Variants in PRTG observed in about 807,000 individuals in gnomAD.
The protein encoded by PRTG is immunoglobulin superfamily, DCC subclass, member 5.
In PRTG, 67 loss-of-function variants were observed where a neutral mutation model predicts 122.5. The ratio of observed to expected loss-of-function variants is 0.55; its 90% confidence interval spans 0.45 to 0.67. The LOEUF is 0.67. PRTG is among the 30% of genes least tolerant of loss of function. The pLI, the probability that PRTG is intolerant of heterozygous loss-of-function variation, is 0.00. For missense variants in PRTG, 1,435 were observed against 1,415.4 expected (o/e 1.01, Z -0.22); for synonymous variants, 554 against 501.1 (o/e 1.11, Z -1.41).
In PRTG at chr15:55,673,595, T is replaced by A; in HGVS notation, c.1628A>T (p.Lys543Ile). ...CAGCACCACTTGGCCCCGCCGATAT[T>A]TGGCTGGGATTGGCAGCCAGGAGAT... ...ILISWLPIPA[K>I]YRRGQVVLYR... Residue 543 changes from lysine to isoleucine, a missense_variant, in exon 10 of 20, where the codon AAA becomes ATA. Coordinates refer to ENST00000389286, the MANE Select transcript of PRTG (RefSeq NM_173814.6). 6.2e-7 allele frequency: 1 copy of A among 1,614,194 alleles called. No homozygotes were observed. The highest frequency in any genetic ancestry group is 1.1e-5 in the South Asian group (1 of 91,082).
At chr15:55,715,048 C>G (rs1429889267) in intron 2 of PRTG, among the ~76,000 whole-genome samples, 1 of 152,120 alleles carries the variant, frequency 6.6e-6, no homozygotes, top group African/African-American at 2.4e-5. Context: ...TTTTCATACT[C>G]TCTAAACACC....
chr15:55,656,246 G>T, intron 11 of PRTG: 1 of 433,266 alleles, frequency 2.3e-6, no homozygotes, highest in Admixed American at 2.6e-5. Context: ...ATCTAGAACT[G>T]TCTCCTGCTC....
At chr15:55,644,791 GAATA>G (rs1289252503) in intron 11 of PRTG, among the ~76,000 whole-genome samples, 1 of 151,958 alleles carries the variant, frequency 6.6e-6, no homozygotes, top group Non-Finnish European at 1.5e-5. Flanking sequence ...CACACTCCCA[GAATA>G]AATTCTGGAA....
intron 16 of PRTG, among the ~76,000 whole-genome samples, chr15:55,628,383 A>G (rs2059207327): frequency 4.3e-5 from 1 of 23,058 alleles, no homozygotes; most frequent in African/African-American, 7.6e-5. Context: ...GGAGACAGAG[A>G]GGGAAAAAAA....
chr15:55,665,568 CAA>C (rs1203143191), intron 11 of PRTG, among the ~76,000 whole-genome samples: 3 of 134,080 alleles, frequency 2.2e-5, no homozygotes, highest in Non-Finnish European at 3.1e-5. Context: ...TTTTTTGAGA[CAA>C]AGTCTTGCTC....
intron 11 of PRTG, among the ~76,000 whole-genome samples, chr15:55,645,762 G>A (rs993200141): frequency 6.6e-6 from 1 of 152,104 alleles, no homozygotes; most frequent in African/African-American, 2.4e-5. Flanking sequence ...CCCAAGGCCT[G>A]TTTCAGCCCT....
At chr15:55,734,859 G>A (rs1014653903) in intron 2 of PRTG, among the ~76,000 whole-genome samples, 2 of 152,166 alleles carry the variant, frequency 1.3e-5, no homozygotes, top group Non-Finnish European at 2.9e-5. Context: ...CCTTACAGCA[G>A]TTCACTTGGC....
At chr15:55,708,177 A>AC (rs1433244161) in intron 2 of PRTG, among the ~76,000 whole-genome samples, 2 of 147,142 alleles carry the variant, frequency 1.4e-5, no homozygotes, top group Non-Finnish European at 1.5e-5. Flanking sequence ...AAAAAAAAAA[A>AC]CAGAGGCAGA....
At position 55,639,918 on chromosome 15, in the gene PRTG, A is replaced by G. The variant is rs925383964; in HGVS notation, c.2138-90T>C. 3.9e-5 allele frequency: 59 copies of G among 1,515,182 alleles called. No individual in the cohort carries two copies. The South Asian group carries it at 4.0e-4, about 10-fold the overall frequency. The allele number at this position is 1,515,182 out of a possible 1,614,324, so 93.9% of individuals were successfully genotyped here. A position where few individuals can be genotyped will look rare whatever the true frequency, so the allele number is the denominator to read the frequency against. ...TGGTAAAATAATAATATCCCACCCTATAAGTTGATTTTAGGTCTTTCTTCC... is the reference window on the plus strand; with the variant it reads ...TGGTAAAATAATAATATCCCACCCTGTAAGTTGATTTTAGGTCTTTCTTCC... On this transcript the variant is annotated intron_variant, in intron 12 of 19. Coordinates refer to ENST00000389286, the MANE Select transcript of PRTG (RefSeq NM_173814.6).
chr15:55,684,118 G>A (rs970012998), intron 2 of PRTG, among the ~76,000 whole-genome samples, 187 bp from the exon 3 acceptor site: 7 of 152,172 alleles, frequency 4.6e-5, no homozygotes, highest in African/African-American at 9.7e-5. Context: ...CCCAATTTAC[G>A]AAGTCTGGTC....
Position 55,675,542 on chromosome 15 carries a change from A to T in PRTG, c.1523T>A (p.Val508Glu). Residue 508 changes from valine (V) to glutamate (E), a missense_variant, in exon 9 of 20, where the codon GTG (valine) becomes GAG (glutamate). By Grantham distance (121) the Val-to-Glu change is moderately radical. Transcript: ENST00000389286. ...PMGASQMSDH[V>E]TQNTLEDVPL... ...ACCATCCTCTAGAGTATTCTGTGTC[A>T]CATGGTCAGACATCTGGCTGGCTCC... is the stretch of plus-strand genomic sequence containing the variant. The T allele has an allele frequency of 6.2e-7, 1 of 1,611,776 alleles. No individual in the cohort carries two copies. Among genetic ancestry groups the T allele is most frequent in the South Asian group, 1.1e-5 (1 of 90,898 alleles).
chr15:55,735,366 T>C (rs1259582698), intron 2 of PRTG, among the ~76,000 whole-genome samples: 1 of 152,118 alleles, frequency 6.6e-6, no homozygotes, highest in Non-Finnish European at 1.5e-5. Flanking sequence ...ATCGTGGTTT[T>C]CAAAAAGGTA....
chr15:55,658,626 T>C (rs1025833683), intron 11 of PRTG, among the ~76,000 whole-genome samples: 1 of 152,158 alleles, frequency 6.6e-6, no homozygotes, highest in East Asian at 1.9e-4. Context: ...CACATTATTA[T>C]TTTCTTATGA....
At chr15:55,649,057 A>G (rs538840813) in intron 11 of PRTG, among the ~76,000 whole-genome samples, 4 of 151,770 alleles carry the variant, frequency 2.6e-5, no homozygotes, top group African/African-American at 7.2e-5. Flanking sequence ...AGATCACGCC[A>G]CTGCACTCCA....
intron 11 of PRTG, among the ~76,000 whole-genome samples, chr15:55,666,679 T>C (rs1476800639): frequency 1.3e-5 from 2 of 152,206 alleles, no homozygotes; most frequent in Non-Finnish European, 2.9e-5. Flanking sequence ...TTTTAAAACA[T>C]ACAGACACAA....
In PRTG at chr15:55,615,057, T is replaced by A. The variant is rs977974587; in HGVS notation, c.*4955A>T. ...GATCACTGGAATCCTTAAACCTAGATAACCTGTATCAGCTGGGGTTGGACA... is the reference window on the plus strand; with the variant it reads ...GATCACTGGAATCCTTAAACCTAGAAAACCTGTATCAGCTGGGGTTGGACA... On this transcript the variant is annotated 3_prime_UTR_variant, in exon 20 of 20. Coordinates refer to ENST00000389286, the MANE Select transcript of PRTG (RefSeq NM_173814.6). 1 of 152,092 alleles carries A rather than the reference T, an allele frequency of 6.6e-6. No individual in the cohort carries two copies. Among genetic ancestry groups the A allele is most frequent in the Non-Finnish European group, 1.5e-5 (1 of 67,974 alleles). The allele number at this position is 152,092 out of a possible 1,614,324, so 9.4% of individuals were successfully genotyped here. A position where few individuals can be genotyped will look rare whatever the true frequency, so the allele number is the denominator to read the frequency against.
intron 15 of PRTG, among the ~76,000 whole-genome samples, chr15:55,629,674 T>C (rs953811354): frequency 3.3e-5 from 5 of 152,234 alleles, no homozygotes; most frequent in East Asian, 1.9e-4. Context: ...ATGATTATAA[T>C]TGGATTTTTA....
At chr15:55,637,521 T>C (rs2059264746) in intron 14 of PRTG, among the ~76,000 whole-genome samples, 181 bp from the exon 15 acceptor site, 1 of 152,194 alleles carries the variant, frequency 6.6e-6, no homozygotes, top group African/African-American at 2.4e-5. Flanking sequence ...ATTTTCATAA[T>C]ACTCAAACAT....
At chr15:55,629,375 A>ATATATGTG (rs1374294067) in intron 15 of PRTG, among the ~76,000 whole-genome samples, 2 of 47,938 alleles carry the variant, frequency 4.2e-5, no homozygotes, top group African/African-American at 6.7e-5. Context: ...ATATATATAT[A>ATATATGTG]TGTGTGTGTG....
Sources: gnomAD v4.1 joint callset for allele counts (sites outside exome capture counted in the v4.1 genomes callset) on GRCh38, gnomAD v4.1.1 for gene constraint, MANE v1.5 for transcripts, NCBI Gene and HGNC (gene_info 2026-07-23, HGNC 2026-07-21) for gene names.